Variants in HACD2 observed in about 807,000 individuals in gnomAD.
The protein encoded by HACD2 is very-long-chain (3R)-3-hydroxyacyl-CoA dehydratase 2.
HACD2 carries 15 observed loss-of-function variants against 31.0 expected under a neutral mutation model. That is an observed-to-expected ratio of 0.48 (90% CI 0.32 to 0.75). The LOEUF (loss-of-function observed/expected upper bound fraction) is 0.75, where lower values mean the gene tolerates loss of function less well. Among genes scored for constraint, HACD2 ranks in the 30% least tolerant of loss-of-function variants. HACD2 has a pLI of 0.03. For missense variants in HACD2, 283 were observed against 313.0 expected (o/e 0.90, Z 0.72); for synonymous variants, 115 against 122.2 (o/e 0.94, Z 0.39).
chr3:123,551,417 G>A (rs147063536), intron 3 of HACD2, among the ~76,000 whole-genome samples: 1 of 151,926 alleles, frequency 6.6e-6, no homozygotes, highest in African/African-American at 2.4e-5. Flanking sequence ...TCAGGAGTTC[G>A]AAACCAGCCT....
At chr3:123,542,534 T>C (rs559979214) in intron 3 of HACD2, among the ~76,000 whole-genome samples, 52 of 152,392 alleles carry the variant, frequency 3.4e-4, no homozygotes, top group African/African-American at 1.1e-3. Context: ...CATAAAGATG[T>C]ATGCTAAACG....
intron 5 of HACD2, among the ~76,000 whole-genome samples, chr3:123,500,919 C>T (rs2055894695): frequency 6.6e-6 from 1 of 152,152 alleles, no homozygotes; most frequent in Non-Finnish European, 1.5e-5. Flanking sequence ...GCCGTTCAGG[C>T]AGCCTCAAAA....
chr3:123,582,274 G>GACCACC lies in HACD2; in HGVS notation c.210_211insGGTGGT (p.Tyr70_His71insGlyGly). 6.2e-7 allele frequency: 1 copy of GACCACC among 1,609,258 alleles called. No individual in the cohort carries two copies. On this transcript the variant is annotated inframe_insertion, in exon 2 of 7. Transcript: ENST00000383657. ...TTTTCAATTGAATAATAAAGGCTAT[G>GACCACC]GTAGCTACCCTTAGCCAGGTATGCT...
At chr3:123,507,910 A>G (rs2055998551) in intron 4 of HACD2, among the ~76,000 whole-genome samples, 1 of 152,064 alleles carries the variant, frequency 6.6e-6, no homozygotes, top group South Asian at 2.1e-4. Flanking sequence ...ATTTAATAAA[A>G]AAGTATCTGG....
chr3:123,511,086 C>T (rs1049236767), intron 4 of HACD2, among the ~76,000 whole-genome samples: 2 of 151,880 alleles, frequency 1.3e-5, no homozygotes, highest in Non-Finnish European at 2.9e-5. Context: ...TTTATATCTT[C>T]TTTGGGAAAA....
At chr3:123,559,135 T>C (rs1426867668) in intron 3 of HACD2, among the ~76,000 whole-genome samples, 2 of 152,220 alleles carry the variant, frequency 1.3e-5, no homozygotes, top group Admixed American at 6.5e-5. Context: ...TCTGCTTAAC[T>C]TGCTCATTCC....
intron 3 of HACD2, chr3:123,543,835 T>C (rs2056522693): frequency 5.4e-6 from 1 of 183,766 alleles, no homozygotes; most frequent in Non-Finnish European, 1.2e-5. Context: ...TCCGTTGCTA[T>C]ATTTATAATT....
At chr3:123,578,664 T>C (rs820444) in intron 2 of HACD2, among the ~76,000 whole-genome samples, 42,459 of 152,088 alleles carry the variant, frequency 0.28, 7,424 homozygotes, top group East Asian at 0.6. Context: ...TATTATTTTC[T>C]TAAGAAGATG....
chr3:123,521,224 G>C (rs1380614121), intron 4 of HACD2, among the ~76,000 whole-genome samples: 3 of 152,164 alleles, frequency 2.0e-5, no homozygotes, highest in Admixed American at 2.0e-4. Context: ...AATTAAATGA[G>C]AGGGGGTTAG....
chr3:123,540,095 A>T (rs1044628902), intron 3 of HACD2, among the ~76,000 whole-genome samples: 8 of 151,148 alleles, frequency 5.3e-5, no homozygotes, highest in Non-Finnish European at 1.0e-4. Flanking sequence ...AAAAAAAAAA[A>T]AAGAAAAGAA....
intron 4 of HACD2, among the ~76,000 whole-genome samples, chr3:123,517,037 G>A (rs2056146945): frequency 6.6e-6 from 1 of 152,162 alleles, no homozygotes; most frequent in African/African-American, 2.4e-5. Context: ...AACATATTAA[G>A]TGCTTAGCAA....
chr3:123,554,438 C>A (rs2056653037), intron 3 of HACD2, among the ~76,000 whole-genome samples: 1 of 151,916 alleles, frequency 6.6e-6, no homozygotes. Context: ...GAGTCCAAGG[C>A]TAAAGTGTGC....
At chr3:123,580,481 T>A (rs2056953896) in intron 2 of HACD2, among the ~76,000 whole-genome samples, 2 of 149,638 alleles carry the variant, frequency 1.3e-5, no homozygotes, top group African/African-American at 4.9e-5. Context: ...CTCAAAAAAA[T>A]AAATAAATAA....
At chr3:123,516,520 CACCAT>C (rs1357521014) in intron 4 of HACD2, among the ~76,000 whole-genome samples, 3 of 152,168 alleles carry the variant, frequency 2.0e-5, no homozygotes, top group African/African-American at 7.2e-5. Flanking sequence ...AGGCGTGTGC[CACCAT>C]ACCCGGCCAG....
At chr3:123,512,151 G>A (rs769859793) in intron 4 of HACD2, among the ~76,000 whole-genome samples, 3 of 152,168 alleles carry the variant, frequency 2.0e-5, no homozygotes, top group Non-Finnish European at 4.4e-5. Context: ...GGACTAAGAT[G>A]AGCCCTGTTT....
intron 3 of HACD2, among the ~76,000 whole-genome samples, chr3:123,564,604 AG>A (rs2056771500): frequency 6.6e-6 from 1 of 152,170 alleles, no homozygotes; most frequent in Admixed American, 6.5e-5. Flanking sequence ...TTGTAGAACA[AG>A]GGGAACAGAC....
Position 123,584,975 on chromosome 3 carries a change from C to T in HACD2, c.53G>A (p.Gly18Asp), listed in dbSNP as rs1237413068. 3.9e-6 allele frequency: 6 copies of T among 1,523,916 alleles called. No individual in the cohort carries two copies. Among genetic ancestry groups the T allele is most frequent in the East Asian group, 2.7e-5 (1 of 36,950 alleles). The allele number at this position is 1,523,916 out of a possible 1,614,324, so 94.4% of individuals were successfully genotyped here. A position where few individuals can be genotyped will look rare whatever the true frequency, so the allele number is the denominator to read the frequency against. The part of the protein sequence containing the change: ...AAAKGNGGGG[G>D]RAGAGDASGT... Reference sequence around the variant, plus strand: ...GCTGGCGTCCCCGGCCCCGGCCCTGCCACCGCCGCCCCCATTCCCCTTCGC... The same window carrying T: ...GCTGGCGTCCCCGGCCCCGGCCCTGTCACCGCCGCCCCCATTCCCCTTCGC... Residue 18 changes from glycine (G) to aspartate (D), a missense_variant, in exon 1 of 7, where the codon GGC becomes GAC. Physicochemically the swap from Gly to Asp is moderately conservative, Grantham distance 94. This residue lies in a region of HACD2 where 158 missense variants were observed against 148.3 expected (regional missense o/e 1.07). Coordinates refer to ENST00000383657, the MANE Select transcript of HACD2 (RefSeq NM_198402.5).
intron 3 of HACD2, among the ~76,000 whole-genome samples, chr3:123,549,154 T>C (rs1673839917): frequency 6.6e-6 from 1 of 151,914 alleles, no homozygotes; most frequent in South Asian, 2.1e-4. Flanking sequence ...GTTAAAAGAT[T>C]ATTCCTGCCT....
At chr3:123,496,185 C>A (rs2055830484) in intron 6 of HACD2, among the ~76,000 whole-genome samples, 1 of 152,056 alleles carries the variant, frequency 6.6e-6, no homozygotes, top group African/African-American at 2.4e-5. Flanking sequence ...CACTTCACAC[C>A]CAACTAATTT....
Sources: allele counts gnomAD v4.1 joint callset (sites outside exome capture counted in the v4.1 genomes callset), GRCh38; gene constraint gnomAD v4.1.1; regional missense constraint gnomAD v4.1.1; transcripts MANE v1.5; gene names NCBI Gene and HGNC (gene_info 2026-07-23, HGNC 2026-07-21).